MAGI2: variants seen among roughly 807,000 people sequenced by gnomAD.
MAGI2 encodes membrane associated guanylate kinase, WW and PDZ domain containing 2.
In MAGI2, 35 loss-of-function variants were observed where a neutral mutation model predicts 133.3. That is an observed-to-expected ratio of 0.26 (90% CI 0.20 to 0.35). The LOEUF (loss-of-function observed/expected upper bound fraction) is 0.35. Among genes scored for constraint, MAGI2 ranks in the 10% least tolerant of loss-of-function variants. The pLI, the probability that MAGI2 is intolerant of heterozygous loss-of-function variation, is 1.00. For synonymous variants in MAGI2, 729 were observed against 710.6 expected (o/e 1.03, Z -0.41); for missense variants, 1,636 against 1,863.4 (o/e 0.88, Z 2.25).
chr7:79,096,073 A>T (rs1298966600), intron 1 of MAGI2, among the ~76,000 whole-genome samples: 1 of 152,166 alleles, frequency 6.6e-6, no homozygotes, highest in East Asian at 1.9e-4. Context: ...AGGCCTCCCC[A>T]TAACCATTAT....
chr7:78,916,856 T>C lies in MAGI2; in HGVS notation c.418+90234A>G, dbSNP rs372229418. 2.9e-4 allele frequency among the ~76,000 whole-genome samples: 44 copies of C among 152,266 alleles called. No homozygotes were observed. In the South Asian group the frequency reaches 5.8e-3, roughly 20 times the overall value. The stretch of plus-strand genomic sequence containing the variant: ...AGAACCTAGACTTTGTTCTGTGACA[T>C]TCTGAAGGCGAATAGTTGGCTTTCC... On this transcript the variant is annotated intron_variant, in intron 2 of 21. Coordinates refer to ENST00000354212, the MANE Select transcript of MAGI2 (RefSeq NM_012301.4).
chr7:79,283,441 C>A (rs1835791884), intron 1 of MAGI2, among the ~76,000 whole-genome samples: 1 of 152,080 alleles, frequency 6.6e-6, no homozygotes, highest in Non-Finnish European at 1.5e-5. Context: ...TACTCACTTC[C>A]ACTCCTTTAT....
chr7:78,160,257 C>T lies in MAGI2; in HGVS notation c.2613G>A (p.Glu871=). The change falls in exon 16 of 22, where the codon GAG becomes GAA. Residue 871 remains glutamate (E), a synonymous_variant. Transcript: ENST00000354212. Reference sequence around the variant, plus strand: ...ATACAGAGCCTGGACTTCTCCCGTTCTCTGGGCAGGGCTCCCCTGCAAAAT... The same window carrying T: ...ATACAGAGCCTGGACTTCTCCCGTTTTCTGGGCAGGGCTCCCCTGCAAAAT... ...KVLCGGEPCP[E]NGRSPGSVST... is the part of the protein sequence containing the mutation. The T allele has an allele frequency of 6.3e-7, 1 of 1,595,052 alleles. No homozygotes were observed. The highest frequency in any genetic ancestry group is 8.5e-7 in the Non-Finnish European group (1 of 1,169,616).
chr7:78,960,140 C>G lies in MAGI2; in HGVS notation c.418+46950G>C, dbSNP rs372394457. On this transcript the variant is annotated intron_variant, in intron 2 of 21. Transcript: ENST00000354212. ...TATGAGTAATTCAGAAGGTGGTACT[C>G]CCTCAGAGGAGACAGAGAAATGATG... 5.9e-5 allele frequency among the ~76,000 whole-genome samples: 9 copies of G among 152,126 alleles called. No homozygotes were observed. The East Asian group carries it at 1.4e-3, about 23-fold the overall frequency.
intron 9 of MAGI2, among the ~76,000 whole-genome samples, chr7:78,276,639 C>T (rs536610394): frequency 2.7e-4 from 9 of 32,980 alleles, no homozygotes; most frequent in African/African-American, 1.2e-3. Flanking sequence ...AGTTGATTAA[C>T]AGTCGAGTGA....
chr7:79,428,066 T>A (rs1415856443), intron 1 of MAGI2, among the ~76,000 whole-genome samples: 1 of 152,100 alleles, frequency 6.6e-6, no homozygotes, highest in Admixed American at 6.6e-5. Context: ...TAAAAGAAAC[T>A]GGGAAATCAA....
At chr7:78,762,306 G>A (rs1410991519) in intron 2 of MAGI2, among the ~76,000 whole-genome samples, 1 of 152,002 alleles carries the variant, frequency 6.6e-6, no homozygotes, top group South Asian at 2.1e-4. Flanking sequence ...AGCCGGGCGT[G>A]GTGGTGCACA....
At chr7:78,377,161 A>C (rs1236449091) in intron 6 of MAGI2, among the ~76,000 whole-genome samples, 2 of 152,120 alleles carry the variant, frequency 1.3e-5, no homozygotes, top group Non-Finnish European at 2.9e-5. Flanking sequence ...AAAACAGTAA[A>C]TATCTACTAA....
chr7:79,049,854 GT>G (rs1254611606), intron 1 of MAGI2, among the ~76,000 whole-genome samples: 5 of 136,926 alleles, frequency 3.7e-5, no homozygotes, highest in Non-Finnish European at 8.1e-5. Context: ...TTATTTTTAT[GT>G]TTTTTTATTC....
At chr7:78,080,777 T>A (rs1815873310) in intron 20 of MAGI2, among the ~76,000 whole-genome samples, 1 of 152,064 alleles carries the variant, frequency 6.6e-6, no homozygotes, top group South Asian at 2.1e-4. Context: ...AAGTGGTTCT[T>A]CCTCTTAATT....
At chr7:79,451,431 G>GT (rs1849240240) in intron 1 of MAGI2, among the ~76,000 whole-genome samples, 1 of 152,002 alleles carries the variant, frequency 6.6e-6, no homozygotes, top group Admixed American at 6.6e-5. Context: ...TTGAACCTTA[G>GT]GTATCTTATC....
At chr7:78,335,529 T>C (rs73134556) in intron 9 of MAGI2, among the ~76,000 whole-genome samples, 8,097 of 152,206 alleles carry the variant, frequency 0.053, 328 homozygotes, top group African/African-American at 0.1. Context: ...TCATTAGACA[T>C]GTGAGCACCA....
intron 6 of MAGI2, among the ~76,000 whole-genome samples, chr7:78,422,602 T>A (rs1260580691): frequency 6.6e-6 from 1 of 150,558 alleles, no homozygotes; most frequent in Non-Finnish European, 1.5e-5. Context: ...AAAAATCTAC[T>A]CCTGTGACTG....
chr7:79,237,483 C>A (rs1389636185), intron 1 of MAGI2, among the ~76,000 whole-genome samples: 1 of 152,126 alleles, frequency 6.6e-6, no homozygotes, highest in Admixed American at 6.5e-5. Flanking sequence ...TCAAGTTAGA[C>A]CATGCATGCA....
chr7:78,656,887 T>G (rs909552282), intron 2 of MAGI2, among the ~76,000 whole-genome samples: 1 of 151,262 alleles, frequency 6.6e-6, no homozygotes, highest in Non-Finnish European at 1.5e-5. Context: ...AGCCACAGAC[T>G]GAGAGAAAAT....
intron 1 of MAGI2, among the ~76,000 whole-genome samples, chr7:79,350,533 A>C (rs1373267106): frequency 6.6e-6 from 1 of 152,152 alleles, no homozygotes; most frequent in Non-Finnish European, 1.5e-5. Context: ...AATCAACATC[A>C]GTCCCTCTTC....
chr7:78,234,727 T>G (rs1210765362), intron 10 of MAGI2, among the ~76,000 whole-genome samples: 1 of 147,560 alleles, frequency 6.8e-6, no homozygotes, highest in Admixed American at 6.8e-5. Flanking sequence ...TTCGTTCATT[T>G]ATTCAAAAAG....
At chr7:78,916,437 T>G (rs1798802635) in intron 2 of MAGI2, among the ~76,000 whole-genome samples, 1 of 152,128 alleles carries the variant, frequency 6.6e-6, no homozygotes, top group Non-Finnish European at 1.5e-5. Context: ...ATTTTTGAAA[T>G]TTACAGAAGA....
chr7:78,541,668 T>G (rs562292887), intron 3 of MAGI2, among the ~76,000 whole-genome samples: 1 of 152,212 alleles, frequency 6.6e-6, no homozygotes, highest in South Asian at 2.1e-4. Flanking sequence ...CAGGCCCCAC[T>G]CTGCACTTAT....
Sources: allele counts gnomAD v4.1 joint callset (sites outside exome capture counted in the v4.1 genomes callset), GRCh38; gene constraint gnomAD v4.1.1; transcripts MANE v1.5; gene names NCBI Gene and HGNC (gene_info 2026-07-23, HGNC 2026-07-21).